The following KHDRBS3 variants were observed in gnomAD, a reference collection of about 807,000 sequenced individuals.
KHDRBS3 encodes the protein KH domain-containing, RNA-binding, signal transduction-associated protein 3.
Under a neutral mutation model 45.6 loss-of-function variants are expected in KHDRBS3, and 23 were observed. The ratio of observed to expected loss-of-function variants is 0.50; its 90% CI spans 0.36 to 0.72. The LOEUF (loss-of-function observed/expected upper bound fraction) is 0.72. Ranked by LOEUF, KHDRBS3 falls within the 30% of genes least tolerant of loss-of-function variation. The pLI, the probability that KHDRBS3 is intolerant of heterozygous loss-of-function variation, is 0.00. For synonymous variants in KHDRBS3, 162 were observed against 156.5 expected, an observed-to-expected ratio of 1.04 and a Z score of -0.26; for missense variants, 352 against 424.8, an observed-to-expected ratio of 0.83 and a Z score of 1.51.
intron 5 of KHDRBS3, among the ~76,000 whole-genome samples, chr8:135,561,417 C>T (rs897000136): frequency 3.9e-5 from 6 of 152,158 alleles, no homozygotes; most frequent in African/African-American, 1.2e-4. Flanking sequence ...GATTCTTTGC[C>T]GAAAGTCATG....
intron 7 of KHDRBS3, among the ~76,000 whole-genome samples, chr8:135,632,559 GTC>G (rs1214619727): frequency 6.6e-6 from 1 of 151,902 alleles, no homozygotes; most frequent in African/African-American, 2.4e-5. Context: ...CCAGAGGAGG[GTC>G]TCTCAAACCT....
chr8:135,590,334 G>A (rs1828689558), intron 6 of KHDRBS3, among the ~76,000 whole-genome samples: 1 of 152,204 alleles, frequency 6.6e-6, no homozygotes, highest in African/African-American at 2.4e-5. Flanking sequence ...GTATGTGGCT[G>A]TACTTGGTTT....
chr8:135,576,232 C>T (rs895191200), intron 5 of KHDRBS3, among the ~76,000 whole-genome samples: 12 of 152,220 alleles, frequency 7.9e-5, no homozygotes, highest in African/African-American at 2.7e-4. Flanking sequence ...AGTTTCTCCA[C>T]TGTCGAATTC....
chr8:135,518,822 G>C (rs916466709), intron 1 of KHDRBS3, among the ~76,000 whole-genome samples: 2 of 152,138 alleles, frequency 1.3e-5, no homozygotes, highest in African/African-American at 4.8e-5. Context: ...ATTTCTGAAA[G>C]AGTATATAAA....
chr8:135,634,925 G>A (rs1830746902), intron 7 of KHDRBS3, among the ~76,000 whole-genome samples: 1 of 152,190 alleles, frequency 6.6e-6, no homozygotes, highest in Non-Finnish European at 1.5e-5. Context: ...ATTTGCTGAA[G>A]CCATGTGTCC....
In KHDRBS3 at chr8:135,536,988, AAAAAAAAAAGG is replaced by A. The variant is rs1391611717; in HGVS notation, c.208-5664_208-5654del. ...TCTCAAAAAAAAAAAAAAAAAAAAAAAAAAAAAAAGGAGATGTTTAGGAGGTAAAATCATTA... is the reference window on the plus strand; with the variant it reads ...TCTCAAAAAAAAAAAAAAAAAAAAAAAGATGTTTAGGAGGTAAAATCATTA... On this transcript the variant is annotated intron_variant, in intron 2 of 8. Transcript: ENST00000355849. Among the ~76,000 whole-genome samples, 305 of 83,248 alleles carry A rather than the reference AAAAAAAAAAGG, an allele frequency of 3.7e-3. 39 individuals carry two copies. Among genetic ancestry groups the A allele is most frequent in the African/African-American group, 0.019 (251 of 13,290 alleles). The allele number at this position is 83,248 out of a possible 152,430, so 54.6% of individuals were successfully genotyped here. A position where few individuals can be genotyped will look rare whatever the true frequency, so the allele number is the denominator to read the frequency against.
chr8:135,653,771 T>C (rs1161977508), intron 4 of KHDRBS3, among the ~76,000 whole-genome samples: 1 of 152,238 alleles, frequency 6.6e-6, no homozygotes, highest in African/African-American at 2.4e-5. Context: ...AACTTAATGT[T>C]TTTGACTTAC....
chr8:135,538,435 A>C (rs1386819384), intron 2 of KHDRBS3: 2 of 152,148 alleles, frequency 1.3e-5, no homozygotes, highest in Non-Finnish European at 2.9e-5. Context: ...TGTGAGTCTT[A>C]TCTAAGTTAT....
intron 7 of KHDRBS3, among the ~76,000 whole-genome samples, chr8:135,634,343 A>G (rs1025868542): frequency 3.3e-5 from 5 of 152,218 alleles, no homozygotes; most frequent in African/African-American, 4.8e-5. Flanking sequence ...CAGGTTCACA[A>G]TATCAACTCT....
At chr8:135,614,022 C>T (rs1018008373) in intron 7 of KHDRBS3, among the ~76,000 whole-genome samples, 3 of 151,312 alleles carry the variant, frequency 2.0e-5, no homozygotes, top group African/African-American at 4.9e-5. Flanking sequence ...TAAAAAAATT[C>T]AGTATAGTTC....
intron 5 of KHDRBS3, among the ~76,000 whole-genome samples, chr8:135,564,925 G>C (rs1262934262): frequency 6.6e-6 from 1 of 152,156 alleles, no homozygotes; most frequent in Non-Finnish European, 1.5e-5. Context: ...CACAGGAGGT[G>C]AGGGTTGATG....
At chr8:135,534,454 G>A (rs1280759790) in intron 2 of KHDRBS3, among the ~76,000 whole-genome samples, 1 of 152,120 alleles carries the variant, frequency 6.6e-6, no homozygotes, top group Non-Finnish European at 1.5e-5. Context: ...CCTGTCATAA[G>A]TTACATGCTG....
intron 5 of KHDRBS3, among the ~76,000 whole-genome samples, chr8:135,570,047 C>T (rs957443328): frequency 6.6e-6 from 1 of 152,122 alleles, no homozygotes; most frequent in African/African-American, 2.4e-5. Flanking sequence ...CCTTACGGGG[C>T]AATTCTGTAT....
At chr8:135,485,238 TGAA>T (rs1822796892) in intron 1 of KHDRBS3, among the ~76,000 whole-genome samples, 3 of 152,268 alleles carry the variant, frequency 2.0e-5, no homozygotes, top group African/African-American at 2.4e-5. Context: ...GTGACTGACA[TGAA>T]GGAGACATTC....
chr8:135,494,517 A>T (rs1424379634), intron 1 of KHDRBS3, among the ~76,000 whole-genome samples: 1 of 151,924 alleles, frequency 6.6e-6, no homozygotes, highest in Non-Finnish European at 1.5e-5. Context: ...TGACCTCGTG[A>T]TCCACCCACC....
chr8:135,637,927 G>T (rs1264155446), intron 7 of KHDRBS3, among the ~76,000 whole-genome samples: 1 of 152,118 alleles, frequency 6.6e-6, no homozygotes, highest in Non-Finnish European at 1.5e-5. Context: ...CAAGAAGATG[G>T]ACTAAGAGCC....
intron 1 of KHDRBS3, among the ~76,000 whole-genome samples, chr8:135,460,227 T>C (rs913834460): frequency 6.6e-6 from 1 of 152,282 alleles, no homozygotes; most frequent in Non-Finnish European, 1.5e-5. Context: ...TCAGCAGTTA[T>C]TCACATTGGA....
intron 2 of KHDRBS3, among the ~76,000 whole-genome samples, chr8:135,527,058 A>G (rs1288307773): frequency 6.6e-6 from 1 of 152,048 alleles, no homozygotes; most frequent in Non-Finnish European, 1.5e-5. Context: ...CTACAGATAC[A>G]TTATGGTTTA....
At chr8:135,636,013 T>C (rs1310677683) in intron 7 of KHDRBS3, among the ~76,000 whole-genome samples, 2 of 152,206 alleles carry the variant, frequency 1.3e-5, no homozygotes, top group Admixed American at 1.3e-4. Context: ...GATTCTGTCA[T>C]TGGTAATAAA....
Sources: allele counts gnomAD v4.1 joint callset (sites outside exome capture counted in the v4.1 genomes callset), GRCh38; gene constraint gnomAD v4.1.1; transcripts MANE v1.5; gene names NCBI Gene and HGNC (gene_info 2026-07-23, HGNC 2026-07-21).